Variants in CDH26 observed in about 807,000 individuals in gnomAD.
The protein encoded by CDH26 is cadherin 26, also known as cadherin-like protein 26.
In CDH26, 83 loss-of-function variants were observed where a neutral mutation model predicts 90.3. The ratio of observed to expected loss-of-function variants is 0.92; its 90% confidence interval spans 0.77 to 1.10. The LOEUF is 1.10. Among genes scored for constraint, CDH26 ranks in the 50% least tolerant of loss-of-function variants. The pLI is 0.00. For missense variants in CDH26, 1,013 were observed against 1,037.6 expected (o/e 0.98, Z 0.33); for synonymous variants, 397 against 396.3 (o/e 1.00, Z -0.02).
At chr20:59,997,240 G>A (rs925557561) in intron 13 of CDH26, among the ~76,000 whole-genome samples, 3 of 152,252 alleles carry the variant, frequency 2.0e-5, no homozygotes, top group Admixed American at 2.0e-4. Flanking sequence ...GTCTGAGCTG[G>A]CTTCTTGGCC....
At chr20:60,003,364 G>T (rs1473458473) in intron 16 of CDH26, among the ~76,000 whole-genome samples, 4 of 152,164 alleles carry the variant, frequency 2.6e-5, no homozygotes, top group Non-Finnish European at 5.9e-5. Flanking sequence ...TAAAAATAAT[G>T]ATTCTGATGT....
chr20:59,988,414 A>G (rs534143981), intron 8 of CDH26, among the ~76,000 whole-genome samples: 6 of 152,302 alleles, frequency 3.9e-5, no homozygotes, highest in Non-Finnish European at 8.8e-5. Context: ...CTCCCAGGGG[A>G]TGCTGATGGC....
intron 1 of CDH26, among the ~76,000 whole-genome samples, chr20:59,961,543 A>G (rs988019955): frequency 5.3e-5 from 8 of 152,186 alleles, no homozygotes; most frequent in Non-Finnish European, 1.2e-4. Context: ...CCGCCCCCTG[A>G]ATTGGCTTAT....
Position 59,972,090 on chromosome 20 carries a change from C to A in CDH26, c.360C>A (p.Arg120=). ...AGAACGGAAGGATATATGTTCACCG[C>A]CCTGTCGATCGAGAAATGACACCAT... ...DHENGRIYVH[R]PVDREMTPSF... Residue 120 remains arginine, a synonymous_variant, in exon 4 of 18, where the codon CGC becomes CGA. Transcript: ENST00000348616. 2.5e-6 allele frequency: 4 copies of A among 1,613,910 alleles called. No individual in the cohort carries two copies. Among genetic ancestry groups the A allele is most frequent in the Non-Finnish European group, 3.4e-6 (4 of 1,179,944 alleles).
At position 60,000,158 on chromosome 20, in the gene CDH26, G is replaced by A. The variant is rs189288997; in HGVS notation, c.2097+495G>A. Among the ~76,000 whole-genome samples the A allele has an allele frequency of 2.6e-3, 402 of 152,298 alleles. 1 individual carries two copies. Among genetic ancestry groups the A allele is most frequent in the Non-Finnish European group, 4.9e-3 (336 of 68,022 alleles). On this transcript the variant is annotated intron_variant, in intron 14 of 17. Transcript: ENST00000348616. ...TGGACGATGGCACTGCCAAAGGCCC[G>A]GGGCCCCTCTGCAAGGAAGGCAGAG... is the stretch of plus-strand genomic sequence containing the variant.
At chr20:59,999,712 G>C in intron 14 of CDH26, 49 bp downstream of exon 14, 2 of 1,572,610 alleles carry the variant, frequency 1.3e-6, no homozygotes, top group African/African-American at 1.3e-5. Flanking sequence ...TGACTTTCCT[G>C]GTGGTTTCCC....
downstream of CDH26, among the ~76,000 whole-genome samples, chr20:60,019,365 A>G (rs2061933594): frequency 6.6e-6 from 1 of 152,150 alleles, no homozygotes; most frequent in African/African-American, 2.4e-5. Context: ...TTGTCACTTA[A>G]TGGTGTCCCA....
At chr20:59,995,203 G>T (rs954861934) in intron 11 of CDH26, among the ~76,000 whole-genome samples, 4 of 152,124 alleles carry the variant, frequency 2.6e-5, no homozygotes, top group Non-Finnish European at 5.9e-5. Context: ...TCTCTATTGG[G>T]GTATCATGTC....
chr20:59,967,829 C>A (rs868350186), intron 1 of CDH26, among the ~76,000 whole-genome samples: 43 of 60,630 alleles, frequency 7.1e-4, no homozygotes, highest in South Asian at 4.1e-3. Flanking sequence ...TTCTTTCTTT[C>A]TTTCTTTCTT....
chr20:60,004,891 C>G (rs889836978), intron 16 of CDH26, among the ~76,000 whole-genome samples: 1 of 151,256 alleles, frequency 6.6e-6, no homozygotes, highest in Non-Finnish European at 1.5e-5. Flanking sequence ...AATGTTATGC[C>G]GTGCATAACT....
chr20:60,007,731 G>A (rs62205078), intron 17 of CDH26, among the ~76,000 whole-genome samples: 3 of 149,806 alleles, frequency 2.0e-5, no homozygotes, highest in African/African-American at 7.6e-5. Flanking sequence ...GGTTTCTGCT[G>A]GTTTTTTTTT....
intron 8 of CDH26, 86 bp downstream of exon 8, chr20:59,987,724 C>T: frequency 2.4e-6 from 3 of 1,263,564 alleles, no homozygotes; most frequent in Non-Finnish European, 3.3e-6. Flanking sequence ...AACCAGGGAG[C>T]TAACGTCCGT....
intron 16 of CDH26, among the ~76,000 whole-genome samples, chr20:60,006,477 G>A (rs529542018): frequency 3.2e-4 from 49 of 152,312 alleles, no homozygotes; most frequent in African/African-American, 1.2e-3. Context: ...CTTCCTCACT[G>A]AAAGTTTGTT....
intron 4 of CDH26, among the ~76,000 whole-genome samples, chr20:59,979,269 G>C (rs1022969164): frequency 1.7e-4 from 22 of 132,460 alleles, no homozygotes; most frequent in Admixed American, 3.4e-4. Context: ...TGCAATCTTT[G>C]CTCACTGCAA....
intron 8 of CDH26, chr20:60,031,538 A>C: frequency 9.9e-7 from 1 of 1,015,162 alleles, no homozygotes; most frequent in Non-Finnish European, 1.2e-6. Flanking sequence ...TGAATTAATT[A>C]TTTGTAAAAA....
At chr20:59,970,248 G>C in intron 3 of CDH26, 62 bp downstream of exon 3, 1 of 1,584,606 alleles carries the variant, frequency 6.3e-7, no homozygotes, top group Non-Finnish European at 8.6e-7. Context: ...CGCCCCTTTG[G>C]CCAGGAAGAT....
Position 59,994,389 on chromosome 20 carries a change from A to G in CDH26, c.1566A>G (p.Ala522=), listed in dbSNP as rs2061565864. The G allele has an allele frequency of 1.9e-6, 3 of 1,614,044 alleles. No individual in the cohort carries two copies. In the South Asian group the frequency reaches 3.3e-5, roughly 18 times the overall value. ...TGCATGAGCCCCTCCACATCGAGGC[A>G]GAGGATCCGGACCTGGAGCCGTTCT... The part of the protein sequence containing the change: ...SAVHEPLHIE[A]EDPDLEPFSD... Residue 522 remains alanine, a synonymous_variant, in exon 11 of 18, where the codon GCA becomes GCG. Coordinates refer to ENST00000348616, the MANE Select transcript of CDH26 (RefSeq NM_177980.4).
At chr20:60,005,873 C>T (rs2061741204) in intron 16 of CDH26, among the ~76,000 whole-genome samples, 1 of 152,164 alleles carries the variant, frequency 6.6e-6, no homozygotes, top group Non-Finnish European at 1.5e-5. Context: ...CTGAGCCTCC[C>T]CCCACCTCCC....
chr20:60,027,141 G>C (rs537301800), intron 7 of CDH26, among the ~76,000 whole-genome samples: 10 of 152,280 alleles, frequency 6.6e-5, no homozygotes, highest in Middle Eastern at 6.8e-3. Flanking sequence ...CTTGGGCAGA[G>C]GAGAAGTAGT....
Sources: allele counts gnomAD v4.1 joint callset (sites outside exome capture counted in the v4.1 genomes callset), GRCh38; gene constraint gnomAD v4.1.1; transcripts MANE v1.5; gene names NCBI Gene and HGNC (gene_info 2026-07-23, HGNC 2026-07-21).